Variants in ENPEP observed in about 807,000 individuals in gnomAD.
ENPEP encodes the protein glutamyl aminopeptidase.
In ENPEP, 103 loss-of-function variants were observed where a neutral mutation model predicts 114.5. That is an observed-to-expected ratio of 0.90 (90% CI 0.77 to 1.06). ENPEP has a LOEUF of 1.06. Among genes scored for constraint, ENPEP ranks in the 50% least tolerant of loss-of-function variants. The pLI, the probability that ENPEP is intolerant of heterozygous loss-of-function variation, is 0.00. For synonymous variants in ENPEP, 420 were observed against 422.0 expected (o/e 1.00, Z 0.06); for missense variants, 1,196 against 1,161.3 (o/e 1.03, Z -0.43).
At chr4:110,505,140 C>T (rs550810272) in intron 3 of ENPEP, among the ~76,000 whole-genome samples, 3 of 152,236 alleles carry the variant, frequency 2.0e-5, no homozygotes, top group South Asian at 2.1e-4. Context: ...TTATTTTAGA[C>T]GGTTAATTCC....
At chr4:110,535,817 T>A (rs1726594828) in intron 11 of ENPEP, among the ~76,000 whole-genome samples, 1 of 152,014 alleles carries the variant, frequency 6.6e-6, no homozygotes, top group Admixed American at 6.6e-5. Flanking sequence ...AGAAACACCG[T>A]CTCTACTGAA....
chr4:110,525,184 C>T (rs1270680422), intron 10 of ENPEP, among the ~76,000 whole-genome samples: 1 of 152,230 alleles, frequency 6.6e-6, no homozygotes, highest in East Asian at 1.9e-4. Context: ...AACATTTCTG[C>T]ATAACTAAAT....
intron 4 of ENPEP, among the ~76,000 whole-genome samples, chr4:110,508,243 T>C (rs1039301734): frequency 2.2e-5 from 3 of 135,174 alleles, no homozygotes; most frequent in East Asian, 2.2e-4. Flanking sequence ...ATACAAGAAT[T>C]AGTTAGTTAC....
intron 1 of ENPEP, among the ~76,000 whole-genome samples, chr4:110,480,135 A>G (rs544948253): frequency 1.1e-3 from 165 of 152,326 alleles, no homozygotes; most frequent in African/African-American, 3.9e-3. Flanking sequence ...GGTGTTCCCA[A>G]GTTTGTATGT....
At chr4:110,536,888 G>T (rs1248884138) in intron 11 of ENPEP, among the ~76,000 whole-genome samples, 1 of 152,050 alleles carries the variant, frequency 6.6e-6, no homozygotes, top group African/African-American at 2.4e-5. Context: ...GCCAAGCCAC[G>T]CAATAAAGCA....
At position 110,562,784 on chromosome 4, in the gene ENPEP, C is replaced by T. The variant is rs1219786260; in HGVS notation, c.*1226C>T. On this transcript the variant is annotated 3_prime_UTR_variant, in exon 20 of 20. Transcript: ENST00000265162. ...AATAGGCAGAAAAGATGGTAAGTTACTATGTTTCAATCTGCTATATCTAGA... is the reference window on the plus strand; with the variant it reads ...AATAGGCAGAAAAGATGGTAAGTTATTATGTTTCAATCTGCTATATCTAGA... 6.6e-6 allele frequency: 1 copy of T among 152,086 alleles called. No individual in the cohort carries two copies. The highest frequency in any genetic ancestry group is 1.5e-5 in the Non-Finnish European group (1 of 67,992). The allele number at this position is 152,086 out of a possible 1,614,324, so 9.4% of individuals were successfully genotyped here.
chr4:110,528,076 C>T (rs1028185853), intron 10 of ENPEP, among the ~76,000 whole-genome samples: 1 of 152,062 alleles, frequency 6.6e-6, no homozygotes, highest in Non-Finnish European at 1.5e-5. Context: ...GAACTGTATT[C>T]ACATTTATAC....
chr4:110,531,846 T>G (rs928589052), intron 11 of ENPEP, among the ~76,000 whole-genome samples: 2 of 152,190 alleles, frequency 1.3e-5, no homozygotes, highest in African/African-American at 2.4e-5. Flanking sequence ...ATCCTTCTTT[T>G]TATATTTTTT....
At chr4:110,486,492 G>C (rs759883582) in intron 1 of ENPEP, among the ~76,000 whole-genome samples, 1 of 152,002 alleles carries the variant, frequency 6.6e-6, no homozygotes, top group Non-Finnish European at 1.5e-5. Context: ...TTGCACTTAC[G>C]GTTCCTTCTA....
chr4:110,547,436 A>G (rs1310319863), intron 13 of ENPEP, among the ~76,000 whole-genome samples: 1 of 152,114 alleles, frequency 6.6e-6, no homozygotes, highest in Non-Finnish European at 1.5e-5. Flanking sequence ...CCCTAGACGT[A>G]GAGTCAGAAA....
intron 3 of ENPEP, among the ~76,000 whole-genome samples, chr4:110,493,225 A>T (rs542708858): frequency 5.3e-5 from 8 of 152,226 alleles, no homozygotes; most frequent in Non-Finnish European, 1.2e-4. Flanking sequence ...TGGATTTTAT[A>T]TAAAGGATTT....
chr4:110,520,683 CAGA>C (rs1345743653), intron 10 of ENPEP, among the ~76,000 whole-genome samples: 1 of 152,058 alleles, frequency 6.6e-6, no homozygotes, highest in East Asian at 1.9e-4. Flanking sequence ...AGAAGTAAAG[CAGA>C]AGGAGAAATA....
chr4:110,519,437 C>T (rs1049188323), intron 8 of ENPEP: 7 of 167,066 alleles, frequency 4.2e-5, no homozygotes, highest in Non-Finnish European at 7.9e-5. Context: ...CTCCCAGTTA[C>T]GGGATTAGAA....
chr4:110,494,339 GTA>G (rs1373725922), intron 3 of ENPEP, among the ~76,000 whole-genome samples: 2 of 152,232 alleles, frequency 1.3e-5, no homozygotes, highest in East Asian at 3.9e-4. Context: ...TGTACCACCT[GTA>G]CCCAAAGTCC....
chr4:110,510,536 C>T (rs555139667), intron 6 of ENPEP, among the ~76,000 whole-genome samples, 178 bp downstream of exon 6: 5 of 151,210 alleles, frequency 3.3e-5, no homozygotes, highest in Non-Finnish European at 5.9e-5. Context: ...TGCCCCAGTA[C>T]CTAGAAGGGC....
At chr4:110,501,487 A>C (rs1725155822) in intron 3 of ENPEP, among the ~76,000 whole-genome samples, 6 of 152,018 alleles carry the variant, frequency 3.9e-5, no homozygotes, top group African/African-American at 1.5e-4. Context: ...CTTGGGGTCC[A>C]TGAGTACTCA....
intron 18 of ENPEP, 128 bp from the exon 19 acceptor site, chr4:110,559,519 T>G (rs181193124): frequency 1.5e-6 from 1 of 658,698 alleles, no homozygotes; most frequent in Non-Finnish European, 2.6e-6. Flanking sequence ...TGGGTTTTCT[T>G]ACTGTGTTTT....
intron 11 of ENPEP, among the ~76,000 whole-genome samples, chr4:110,541,154 G>A (rs1726832959): frequency 6.6e-6 from 1 of 152,098 alleles, no homozygotes; most frequent in African/African-American, 2.4e-5. Context: ...AATTCTACAT[G>A]AGTGAGGTAA....
chr4:110,534,427 A>G (rs958835144), intron 11 of ENPEP, among the ~76,000 whole-genome samples: 2 of 147,430 alleles, frequency 1.4e-5, no homozygotes, highest in Non-Finnish European at 3.0e-5. Context: ...ATCAGCCCTT[A>G]TTCCTAGTAT....
Sources: gnomAD v4.1 joint callset for allele counts (sites outside exome capture counted in the v4.1 genomes callset) on GRCh38, gnomAD v4.1.1 for gene constraint, MANE v1.5 for transcripts, NCBI Gene and HGNC (gene_info 2026-07-23, HGNC 2026-07-21) for gene names.